The following CCSER1 variants were observed in gnomAD, a reference collection of about 807,000 sequenced individuals.
The protein encoded by CCSER1 is coiled-coil serine rich protein 1.
A neutral mutation model predicts 82.0 loss-of-function variants in CCSER1; 41 were observed. The observed-to-expected ratio is 0.50, with a 90% CI of 0.39 to 0.65. The LOEUF is 0.65. CCSER1 is among the 30% of genes least tolerant of loss of function. The probability of loss-of-function intolerance (pLI) is 0.00; values close to 1 mark genes in which losing one functional copy is unlikely to be tolerated. For synonymous variants in CCSER1, 414 were observed against 383.9 expected (o/e 1.08, Z -0.92); for missense variants, 1,119 against 1,064.2 (o/e 1.05, Z -0.72).
chr4:91,191,066 A>G (rs1441707728), intron 10 of CCSER1, among the ~76,000 whole-genome samples: 1 of 152,202 alleles, frequency 6.6e-6, no homozygotes, highest in African/African-American at 2.4e-5. Flanking sequence ...TGTAATGTCT[A>G]ATACTTAATA....
intron 8 of CCSER1, among the ~76,000 whole-genome samples, chr4:90,824,885 T>C (rs565665358): frequency 7.9e-5 from 12 of 152,310 alleles, no homozygotes; most frequent in African/African-American, 1.4e-4. Context: ...TCCTTCTTTT[T>C]TCAGGAGAAT....
intron 10 of CCSER1, among the ~76,000 whole-genome samples, chr4:91,464,690 G>A (rs957046326): frequency 3.3e-5 from 5 of 152,098 alleles, no homozygotes; most frequent in African/African-American, 1.2e-4. Context: ...CAAAAAAATG[G>A]CAGGACTTGC....
At chr4:90,354,381 A>G (rs1290050896) in intron 3 of CCSER1, among the ~76,000 whole-genome samples, 1 of 152,198 alleles carries the variant, frequency 6.6e-6, no homozygotes, top group Admixed American at 6.5e-5. Context: ...AAATAACATG[A>G]GATGAATATG....
intron 10 of CCSER1, among the ~76,000 whole-genome samples, chr4:91,345,460 A>G (rs570875037): frequency 5.9e-5 from 9 of 152,316 alleles, no homozygotes; most frequent in South Asian, 2.1e-4. Flanking sequence ...ATTATTTTCA[A>G]TGAATAAGTA....
intron 8 of CCSER1, among the ~76,000 whole-genome samples, chr4:90,878,554 A>G (rs1292378406): frequency 6.6e-6 from 1 of 152,148 alleles, no homozygotes; most frequent in Non-Finnish European, 1.5e-5. Flanking sequence ...TCTAAAGTGC[A>G]TGGTCTAAAA....
At chr4:90,357,089 G>C (rs1220910942) in intron 3 of CCSER1, among the ~76,000 whole-genome samples, 1 of 151,850 alleles carries the variant, frequency 6.6e-6, no homozygotes, top group African/African-American at 2.4e-5. Flanking sequence ...AATTGGAGAT[G>C]AATTTAATGT....
intron 7 of CCSER1, among the ~76,000 whole-genome samples, chr4:90,766,712 T>C (rs1751294688): frequency 6.6e-6 from 1 of 152,184 alleles, no homozygotes; most frequent in South Asian, 2.1e-4. Context: ...AATTGAATTT[T>C]ATTCACACAC....
chr4:90,869,881 C>T (rs541537992), intron 8 of CCSER1, among the ~76,000 whole-genome samples: 32 of 151,832 alleles, frequency 2.1e-4, no homozygotes, highest in African/African-American at 7.7e-4. Context: ...TGATTTCTTT[C>T]AAGAATGTTT....
chr4:90,654,918 T>G (rs1729441212), intron 6 of CCSER1, among the ~76,000 whole-genome samples: 1 of 152,048 alleles, frequency 6.6e-6, no homozygotes, highest in South Asian at 2.1e-4. Context: ...ATTATTGTCA[T>G]CAGAAATTTT....
intron 1 of CCSER1, among the ~76,000 whole-genome samples, chr4:90,197,127 C>T (rs1736769816): frequency 6.6e-6 from 1 of 152,108 alleles, no homozygotes; most frequent in Non-Finnish European, 1.5e-5. Flanking sequence ...CAGATCAGCT[C>T]ACATAACTCA....
chr4:90,907,324 C>A (rs1460280997), intron 8 of CCSER1, among the ~76,000 whole-genome samples: 2 of 151,978 alleles, frequency 1.3e-5, no homozygotes, highest in Non-Finnish European at 2.9e-5. Context: ...ATGGAGAGCC[C>A]CTGACAAATA....
chr4:90,789,698 G>C (rs1323962253), intron 7 of CCSER1, among the ~76,000 whole-genome samples: 2 of 152,118 alleles, frequency 1.3e-5, no homozygotes, highest in African/African-American at 4.8e-5. Flanking sequence ...ACCTGCACTA[G>C]CTCTTTCTTC....
chr4:90,959,578 T>TA (rs1484184317), intron 9 of CCSER1, among the ~76,000 whole-genome samples: 1 of 152,146 alleles, frequency 6.6e-6, no homozygotes, highest in Non-Finnish European at 1.5e-5. Flanking sequence ...CATTTAATCC[T>TA]AAAAATAACT....
At chr4:90,435,306 A>G (rs1480169132) in intron 4 of CCSER1, among the ~76,000 whole-genome samples, 1 of 152,132 alleles carries the variant, frequency 6.6e-6, no homozygotes, top group Admixed American at 6.6e-5. Flanking sequence ...ATATTTGTAA[A>G]TATTTCATAT....
intron 8 of CCSER1, among the ~76,000 whole-genome samples, chr4:90,822,727 C>CAAA (rs58985334): frequency 1.4e-4 from 11 of 76,808 alleles, no homozygotes; most frequent in Admixed American, 3.1e-4. Context: ...GACTCCATCT[C>CAAA]AAAAAAAAAA....
At chr4:90,698,745 A>G (rs1464842729) in intron 6 of CCSER1, among the ~76,000 whole-genome samples, 1 of 152,178 alleles carries the variant, frequency 6.6e-6, no homozygotes, top group African/African-American at 2.4e-5. Flanking sequence ...TAATAGGAGG[A>G]AAGTTTATTA....
At chr4:90,208,002 G>A (rs1044558963) in intron 1 of CCSER1, among the ~76,000 whole-genome samples, 13 of 152,190 alleles carry the variant, frequency 8.5e-5, no homozygotes, top group African/African-American at 2.9e-4. Context: ...GAAGCAATCT[G>A]TCCCTTAGCA....
chr4:91,177,119 G>T (rs144183448), intron 10 of CCSER1, among the ~76,000 whole-genome samples: 2 of 152,104 alleles, frequency 1.3e-5, no homozygotes, highest in Non-Finnish European at 2.9e-5. Flanking sequence ...GATGGATTAT[G>T]TTTATTGATT....
chr4:91,005,915 G>A (rs1738461512), intron 9 of CCSER1, among the ~76,000 whole-genome samples: 1 of 152,070 alleles, frequency 6.6e-6, no homozygotes. Context: ...TCTCTATTCT[G>A]TTCCACTGGT....
Sources: gnomAD v4.1 joint callset for allele counts (sites outside exome capture counted in the v4.1 genomes callset) on GRCh38, gnomAD v4.1.1 for gene constraint, MANE v1.5 for transcripts, NCBI Gene and HGNC (gene_info 2026-07-23, HGNC 2026-07-21) for gene names.